The following CCDC57 variants were observed in gnomAD, a reference collection of about 807,000 sequenced individuals.
CCDC57 encodes the protein coiled-coil domain-containing protein 57.
CCDC57 carries 118 observed loss-of-function variants against 118.9 expected under a neutral mutation model. The ratio of observed to expected loss-of-function variants is 0.99; its 90% CI spans 0.86 to 1.16. The LOEUF (loss-of-function observed/expected upper bound fraction) is 1.16. Ranked by LOEUF, CCDC57 falls within the 50% of genes most tolerant of loss-of-function variation. The probability of loss-of-function intolerance (pLI) is 0.00; values close to 1 mark genes in which losing one functional copy is unlikely to be tolerated. For missense variants in CCDC57, 1,300 were observed against 1,320.7 expected (o/e 0.98, Z 0.24); for synonymous variants, 527 against 532.9 (o/e 0.99, Z 0.15).
chr17:82,195,517 G>A lies in CCDC57; in HGVS notation c.517-153C>T, dbSNP rs138002760. Among the ~76,000 whole-genome samples the A allele has an allele frequency of 2.7e-3, 403 of 152,016 alleles. 2 individuals are homozygous for A. Among genetic ancestry groups the A allele is most frequent in the African/African-American group, 9.3e-3 (386 of 41,430 alleles). Reference sequence around the variant, plus strand: ...GTCCAGGAGAGAAGCTGGGGTCAGCGACACTGGTAACAGCACTCTGGGAGG... The same window carrying A: ...GTCCAGGAGAGAAGCTGGGGTCAGCAACACTGGTAACAGCACTCTGGGAGG... On this transcript the variant is annotated intron_variant, in intron 4 of 19. Coordinates refer to ENST00000665763, the Ensembl canonical transcript of CCDC57.
chr17:82,148,419 A>G (rs184191552), intron 16 of CCDC57, among the ~76,000 whole-genome samples: 86 of 8,276 alleles, frequency 0.01, no homozygotes, highest in African/African-American at 0.012. Context: ...ATGGATGGAT[A>G]GGTGGGTGGA....
chr17:82,198,716 C>A (rs1022264003), intron 3 of CCDC57, among the ~76,000 whole-genome samples: 1 of 151,912 alleles, frequency 6.6e-6, no homozygotes, highest in Non-Finnish European at 1.5e-5. Flanking sequence ...TCTGACCAGG[C>A]CCAGTGGCTC....
exon 18 of CCDC57, chr17:82,128,558 A>G (rs776754298): frequency 1.9e-6 from 3 of 1,573,320 alleles, no homozygotes; most frequent in Non-Finnish European, 2.6e-6. Flanking sequence ...TGCTTTCCCA[A>G]GTGTCTGGAA....
intron 17 of CCDC57, among the ~76,000 whole-genome samples, chr17:82,130,047 A>T (rs2038097933): frequency 6.6e-6 from 1 of 151,926 alleles, no homozygotes; most frequent in Admixed American, 6.6e-5. Flanking sequence ...AAAAAAAATT[A>T]AAAATTAGAC....
chr17:82,128,558 AGTGTC>A lies in CCDC57; in HGVS notation c.2612_2616del (p.Arg871IlefsTer16). 26 of 1,573,320 alleles carry A rather than the reference AGTGTC, an allele frequency of 1.7e-5. No individual in the cohort carries two copies. Among genetic ancestry groups the A allele is most frequent in the Non-Finnish European group, 2.2e-5 (26 of 1,158,168 alleles). On this transcript the variant is annotated frameshift_variant, in exon 18 of 20. Coordinates refer to ENST00000665763, the Ensembl canonical transcript of CCDC57. LOFTEE classifies it high-confidence loss of function. ...GCTGAGCGGGGCTGGTGCTTTCCCA[AGTGTC>A]TGGAAGGAGCCTCATCCTCGGCACT...
At chr17:82,111,664 T>C (rs1960284542) in intron 19 of CCDC57, among the ~76,000 whole-genome samples, 1 of 152,160 alleles carries the variant, frequency 6.6e-6, no homozygotes, top group African/African-American at 2.4e-5. Context: ...TGGAGTGCAG[T>C]GGTGCGATCT....
At position 82,172,575 on chromosome 17, in the gene CCDC57, C is replaced by G; in HGVS notation, c.1729+63G>C. The G allele has an allele frequency of 7.1e-7, 1 of 1,407,006 alleles. No homozygotes were observed. 87.2% of individuals were successfully genotyped at this position (1,407,006 alleles called of 1,614,324 possible). ...AGCCAGTCAAGACCCATGCTCCCGT[C>G]TGTCCTCCTCCCTCCCTCTCCCCCT... On this transcript the variant is annotated intron_variant, in intron 12 of 19. Coordinates refer to ENST00000665763, the Ensembl canonical transcript of CCDC57. The surrounding 1 kb of genome is among the most constrained non-coding windows in gnomAD (Gnocchi z 5.2).
At chr17:82,119,975 A>G (rs1304950150) in intron 19 of CCDC57, among the ~76,000 whole-genome samples, 1 of 152,064 alleles carries the variant, frequency 6.6e-6, no homozygotes, top group Non-Finnish European at 1.5e-5. Context: ...GGGTCTGGAT[A>G]GGTTGGCAAA....
intron 19 of CCDC57, among the ~76,000 whole-genome samples, chr17:82,123,019 C>T (rs1005660447): frequency 6.6e-6 from 1 of 152,114 alleles, no homozygotes; most frequent in Non-Finnish European, 1.5e-5. Context: ...CACCAGTGAC[C>T]TTCACCTTGC....
At chr17:82,164,023 G>A (rs1295942237) in intron 13 of CCDC57, among the ~76,000 whole-genome samples, 4 of 152,032 alleles carry the variant, frequency 2.6e-5, no homozygotes. Flanking sequence ...CTGGATAACA[G>A]AGCGAGACCC....
intron 2 of CCDC57, among the ~76,000 whole-genome samples, chr17:82,206,342 A>G (rs2049639694): frequency 2.0e-5 from 3 of 152,222 alleles, no homozygotes; most frequent in Non-Finnish European, 4.4e-5. Flanking sequence ...TAACTCTCAC[A>G]CGTCACAGTC....
intron 1 of CCDC57, among the ~76,000 whole-genome samples, chr17:82,210,655 G>A (rs2050109787): frequency 2.0e-5 from 3 of 150,428 alleles, no homozygotes; most frequent in South Asian, 2.1e-4. Flanking sequence ...ACTCCAGCTT[G>A]GGCGAGAGAG....
rs1180529334 is a variant in CCDC57 at position 82,150,712 on chromosome 17, C to T, written c.2455+848G>A. On this transcript the variant is annotated intron_variant, in intron 16 of 19. Transcript: ENST00000665763. ...AACCAGGCACACACTCAGAACCAGG[C>T]GCACACCTAGAACCTGGCACACACC... Among the ~76,000 whole-genome samples the T allele has an allele frequency of 4.1e-5, 3 of 73,948 alleles. 1 individual carries two copies. The highest frequency in any genetic ancestry group is 7.7e-5 in the Non-Finnish European group (3 of 39,158). The allele number at this position is 73,948 out of a possible 152,430, so 48.5% of individuals were successfully genotyped here. A position where few individuals can be genotyped will look rare whatever the true frequency, so the allele number is the denominator to read the frequency against.
Position 82,179,138 on chromosome 17 carries a change from AC to A in CCDC57, c.1262del (p.Arg421LeufsTer28). ...AGTCCAGGCCCAGCTGCACCTGATC[AC>A]GCTCCAGGCTCCGCTCCCTTTCCAC... On this transcript the variant is annotated frameshift_variant, in exon 10 of 20. Coordinates refer to ENST00000665763, the Ensembl canonical transcript of CCDC57. LOFTEE classifies it high-confidence loss of function. 6.2e-7 allele frequency: 1 copy of A among 1,613,978 alleles called. No individual in the cohort carries two copies.
exon 5 of CCDC57, chr17:82,195,326 C>T (rs747327394): frequency 6.2e-7 from 1 of 1,601,378 alleles, no homozygotes; most frequent in Non-Finnish European, 8.5e-7. Flanking sequence ...ATTCGTGCTC[C>T]CTCTTCCGCA....
intron 19 of CCDC57, among the ~76,000 whole-genome samples, chr17:82,111,299 C>T (rs1241130369): frequency 6.9e-6 from 1 of 144,776 alleles, no homozygotes; most frequent in East Asian, 2.1e-4. Flanking sequence ...GACGGGGTTT[C>T]ACTGTGTTAG....
At chr17:82,183,049 C>T (rs975397259) in intron 9 of CCDC57, among the ~76,000 whole-genome samples, 1 of 152,176 alleles carries the variant, frequency 6.6e-6, no homozygotes, top group Non-Finnish European at 1.5e-5. Flanking sequence ...GGGGAAACCG[C>T]CCCCATGAGC....
At chr17:82,163,161 C>T in intron 14 of CCDC57, 39 bp downstream of exon 13, 1 of 1,600,272 alleles carries the variant, frequency 6.2e-7, no homozygotes, top group Non-Finnish European at 8.5e-7. Context: ...CCAGCAGCGG[C>T]TCTCTAGGAG....
At chr17:82,139,878 C>T (rs557218555) in intron 16 of CCDC57, among the ~76,000 whole-genome samples, 2 of 152,282 alleles carry the variant, frequency 1.3e-5, no homozygotes, top group African/African-American at 4.8e-5. Flanking sequence ...TGGAGTGGAA[C>T]AAGAACGGAC....
Sources: allele counts gnomAD v4.1 joint callset (sites outside exome capture counted in the v4.1 genomes callset), GRCh38; gene constraint gnomAD v4.1.1; non-coding constraint Gnocchi (gnomAD v3.1); transcripts MANE v1.5; gene names NCBI Gene and HGNC (gene_info 2026-07-23, HGNC 2026-07-21).